Variants in RBFOX1 observed in about 807,000 individuals in gnomAD.
The protein encoded by RBFOX1 is RNA binding protein fox-1 homolog 1.
Under a neutral mutation model 57.7 loss-of-function variants are expected in RBFOX1, and 8 were observed. The ratio of observed to expected loss-of-function variants is 0.14; its 90% CI spans 0.08 to 0.25. The LOEUF (loss-of-function observed/expected upper bound fraction) is 0.25. Among genes scored for constraint, RBFOX1 ranks in the 10% least tolerant of loss-of-function variants. RBFOX1 has a pLI of 1.00. For missense variants in RBFOX1, 611 were observed against 548.5 expected, an observed-to-expected ratio of 1.11 and a Z score of -1.14; for synonymous variants, 326 against 222.4, an observed-to-expected ratio of 1.47 and a Z score of -4.15.
At chr16:6,205,901 C>T (rs1228353746) in intron 1 of RBFOX1, among the ~76,000 whole-genome samples, 6 of 122,522 alleles carry the variant, frequency 4.9e-5, no homozygotes, top group Non-Finnish European at 9.6e-5. Flanking sequence ...GAGAGCGTAC[C>T]TGGAAAACAG....
At position 7,347,625 on chromosome 16, in the gene RBFOX1, C is replaced by T. The variant is rs189791035; in HGVS notation, c.28-170522C>T. The stretch of plus-strand genomic sequence containing the variant: ...ATCAGTCACGCCGAGATTGAAAAAC[C>T]CCACTCTAGGCTGTCACACTACTGT... On this transcript the variant is annotated intron_variant, in intron 4 of 15. Coordinates refer to ENST00000550418, the MANE Select transcript of RBFOX1 (RefSeq NM_018723.4). 1.7e-3 allele frequency among the ~76,000 whole-genome samples: 253 copies of T among 152,200 alleles called. 2 individuals carry two copies. The highest frequency in any genetic ancestry group is 0.014 in the Admixed American group (218 of 15,278).
chr16:6,461,909 C>T (rs2094929494), intron 2 of RBFOX1, among the ~76,000 whole-genome samples: 1 of 152,040 alleles, frequency 6.6e-6, no homozygotes, highest in African/African-American at 2.4e-5. Flanking sequence ...GTTAAACAGC[C>T]TGTATTAGCT....
At chr16:6,165,437 G>T (rs539758072) in intron 1 of RBFOX1, among the ~76,000 whole-genome samples, 1 of 152,140 alleles carries the variant, frequency 6.6e-6, no homozygotes, top group Non-Finnish European at 1.5e-5. Context: ...AAACCAAAAA[G>T]AAAGCAGCAC....
intron 1 of RBFOX1, among the ~76,000 whole-genome samples, chr16:5,241,259 G>T (rs940215015): frequency 2.0e-5 from 3 of 152,170 alleles, no homozygotes. Flanking sequence ...TTCAGAGCTT[G>T]GGTCACCTGG....
chr16:6,996,011 C>A (rs932051399), intron 3 of RBFOX1, among the ~76,000 whole-genome samples: 1 of 152,212 alleles, frequency 6.6e-6, no homozygotes, highest in Admixed American at 6.5e-5. Flanking sequence ...GCATACAAAT[C>A]TAAACTTCTC....
intron 1 of RBFOX1, among the ~76,000 whole-genome samples, chr16:6,150,303 C>T (rs2096788698): frequency 6.6e-6 from 1 of 151,962 alleles, no homozygotes; most frequent in Admixed American, 6.6e-5. Flanking sequence ...TGACTTTTAC[C>T]CAGAGTGAGA....
chr16:6,207,132 G>A (rs558558877), intron 1 of RBFOX1, among the ~76,000 whole-genome samples: 1 of 152,118 alleles, frequency 6.6e-6, no homozygotes, highest in African/African-American at 2.4e-5. Flanking sequence ...CCTGACTTGG[G>A]TCACCCATGA....
chr16:7,093,288 C>G (rs191574523), intron 4 of RBFOX1, among the ~76,000 whole-genome samples: 1 of 152,142 alleles, frequency 6.6e-6, no homozygotes, highest in South Asian at 2.1e-4. Context: ...CCTTATCTTT[C>G]TTGACTGTGA....
At chr16:6,636,836 AAT>A (rs2098439480) in intron 2 of RBFOX1, among the ~76,000 whole-genome samples, 1 of 61,264 alleles carries the variant, frequency 1.6e-5, no homozygotes, top group African/African-American at 4.8e-5. Context: ...TGTTATATAT[AAT>A]ATATAATATA....
At chr16:6,846,730 C>T (rs1019349180) in intron 3 of RBFOX1, among the ~76,000 whole-genome samples, 1 of 152,156 alleles carries the variant, frequency 6.6e-6, no homozygotes, top group Admixed American at 6.5e-5. Flanking sequence ...GAGCTCTCAA[C>T]ATGATCTGCT....
intron 2 of RBFOX1, among the ~76,000 whole-genome samples, chr16:6,542,888 C>T (rs1023485553): frequency 6.6e-6 from 1 of 152,042 alleles, no homozygotes; most frequent in African/African-American, 2.4e-5. Flanking sequence ...CATTGACTTC[C>T]TCTGGGTACA....
intron 3 of RBFOX1, among the ~76,000 whole-genome samples, chr16:6,819,533 A>G (rs1009609245): frequency 3.3e-5 from 5 of 151,822 alleles, no homozygotes; most frequent in South Asian, 4.2e-4. Context: ...GAGAAAACCC[A>G]TCTCTACTAA....
intron 4 of RBFOX1, among the ~76,000 whole-genome samples, chr16:7,152,134 G>A (rs1312372596): frequency 6.6e-6 from 1 of 152,156 alleles, no homozygotes; most frequent in Non-Finnish European, 1.5e-5. Flanking sequence ...AAAAGAAGGT[G>A]TCAATTCTGT....
At chr16:7,214,717 G>A (rs909872339) in intron 4 of RBFOX1, among the ~76,000 whole-genome samples, 6 of 152,100 alleles carry the variant, frequency 3.9e-5, no homozygotes, top group East Asian at 1.9e-4. Context: ...TATACTGCGC[G>A]ATCTTTCTTT....
intron 1 of RBFOX1, among the ~76,000 whole-genome samples, chr16:5,408,424 G>A (rs1474826749): frequency 6.6e-6 from 1 of 152,218 alleles, no homozygotes; most frequent in Non-Finnish European, 1.5e-5. Flanking sequence ...TATGAATAGA[G>A]TCTGAGCTAT....
intron 3 of RBFOX1, among the ~76,000 whole-genome samples, chr16:6,726,057 C>G (rs944712638): frequency 6.6e-6 from 1 of 152,148 alleles, no homozygotes; most frequent in African/African-American, 2.4e-5. Flanking sequence ...AAGATTTGTT[C>G]CGTGTTGACT....
chr16:7,303,203 A>T lies in RBFOX1; in HGVS notation c.28-214944A>T, dbSNP rs183779298. Reference sequence around the variant, plus strand: ...TCGCTGGCTCGGGGCTGCCTGCCCAACCAAGGCGAGGCACAGAGCGAAAGC... The same window carrying T: ...TCGCTGGCTCGGGGCTGCCTGCCCATCCAAGGCGAGGCACAGAGCGAAAGC... On this transcript the variant is annotated intron_variant, in intron 4 of 15. Transcript: ENST00000550418. Among the ~76,000 whole-genome samples, 3 of 152,314 alleles carry T rather than the reference A, an allele frequency of 2.0e-5. No homozygotes were observed. The East Asian group carries it at 5.8e-4, about 29-fold the overall frequency.
chr16:7,445,334 C>T (rs1300177672), intron 4 of RBFOX1, among the ~76,000 whole-genome samples: 1 of 152,148 alleles, frequency 6.6e-6, no homozygotes, highest in Non-Finnish European at 1.5e-5. Context: ...ATAGCACTCC[C>T]CGCTACTCCT....
chr16:6,553,375 A>C (rs1332634022), intron 2 of RBFOX1, among the ~76,000 whole-genome samples: 1 of 152,224 alleles, frequency 6.6e-6, no homozygotes, highest in African/African-American at 2.4e-5. Flanking sequence ...GTATAGGACT[A>C]TTCAGTGAAC....
Sources: allele counts gnomAD v4.1 joint callset (sites outside exome capture counted in the v4.1 genomes callset), GRCh38; gene constraint gnomAD v4.1.1; transcripts MANE v1.5; gene names NCBI Gene and HGNC (gene_info 2026-07-23, HGNC 2026-07-21).